The following EXOC6B variants were observed in gnomAD, a reference collection of about 807,000 sequenced individuals.
EXOC6B encodes SEC15 homolog B.
Under a neutral mutation model 113.5 loss-of-function variants are expected in EXOC6B, and 54 were observed. That is an observed-to-expected ratio of 0.48 (90% CI 0.38 to 0.60). The LOEUF (loss-of-function observed/expected upper bound fraction) is 0.60. Among genes scored for constraint, EXOC6B ranks in the 20% least tolerant of loss-of-function variants. The pLI, the probability that EXOC6B is intolerant of heterozygous loss-of-function variation, is 0.00. For synonymous variants in EXOC6B, 357 were observed against 339.0 expected (o/e 1.05, Z -0.58); for missense variants, 797 against 977.5 (o/e 0.82, Z 2.46).
chr2:72,592,338 C>T (rs990639237), intron 6 of EXOC6B, among the ~76,000 whole-genome samples: 35 of 152,100 alleles, frequency 2.3e-4, no homozygotes, highest in Non-Finnish European at 4.9e-4. Flanking sequence ...AAAATAGACA[C>T]AAAAGTCAAG....
At chr2:72,492,783 A>C (rs921034277) in intron 15 of EXOC6B, among the ~76,000 whole-genome samples, 5 of 151,506 alleles carry the variant, frequency 3.3e-5, no homozygotes, top group African/African-American at 9.7e-5. Context: ...TGTAATTTTT[A>C]TTTTTGGGAA....
At position 72,313,774 on chromosome 2, in the gene EXOC6B, A is replaced by T. The variant is rs1687345943; in HGVS notation, c.2196+21173T>A. On this transcript the variant is annotated intron_variant, in intron 20 of 21. Coordinates refer to ENST00000272427, the MANE Select transcript of EXOC6B (RefSeq NM_015189.3). The stretch of plus-strand genomic sequence containing the variant: ...GCTTTTACATTCTTATCCAGAATGA[A>T]ATTTTTAAAAAAATCACATTTTGAG... Among the ~76,000 whole-genome samples the T allele has an allele frequency of 2.0e-5, 3 of 152,216 alleles. 1 individual carries two copies. In the South Asian group the frequency reaches 6.2e-4, roughly 32 times the overall value.
At chr2:72,536,670 C>T (rs576886455) in intron 8 of EXOC6B, among the ~76,000 whole-genome samples, 87 of 152,240 alleles carry the variant, frequency 5.7e-4, no homozygotes, top group Non-Finnish European at 1.0e-3. Context: ...AATAAATATC[C>T]TCATAAACTT....
intron 18 of EXOC6B, among the ~76,000 whole-genome samples, chr2:72,399,951 C>T (rs2105152936): frequency 6.6e-6 from 1 of 152,066 alleles, no homozygotes; most frequent in South Asian, 2.1e-4. Flanking sequence ...TCATATGGAA[C>T]CTAAAAAGAA....
chr2:72,465,448 T>C (rs1458562201), intron 17 of EXOC6B, 109 bp from the exon 18 acceptor site: 8 of 783,482 alleles, frequency 1.0e-5, no homozygotes, highest in Non-Finnish European at 1.2e-5. Context: ...GGAATATAAC[T>C]GGGAATACTG....
chr2:72,351,679 G>GT (rs919258230), intron 19 of EXOC6B, among the ~76,000 whole-genome samples: 19 of 152,070 alleles, frequency 1.2e-4, no homozygotes, highest in African/African-American at 3.9e-4. Context: ...CAGGCATCCT[G>GT]TTTTTTATCT....
chr2:72,370,396 A>G (rs1690924380), intron 19 of EXOC6B, among the ~76,000 whole-genome samples: 6 of 152,144 alleles, frequency 3.9e-5, no homozygotes, highest in Admixed American at 3.9e-4. Flanking sequence ...AAATAGGAAC[A>G]CTTTTACACT....
intron 20 of EXOC6B, among the ~76,000 whole-genome samples, chr2:72,306,906 G>A (rs541876598): frequency 4.3e-4 from 66 of 152,076 alleles, no homozygotes; most frequent in Non-Finnish European, 9.1e-4. Flanking sequence ...TTGTATCTGT[G>A]TTCATAAGTG....
chr2:72,201,019 T>C (rs1048226314), intron 20 of EXOC6B, among the ~76,000 whole-genome samples: 3 of 152,178 alleles, frequency 2.0e-5, no homozygotes, highest in East Asian at 3.8e-4. Context: ...GATTTTGTTA[T>C]GTATCTGCTA....
At chr2:72,419,345 T>G (rs1694725941) in intron 18 of EXOC6B, among the ~76,000 whole-genome samples, 1 of 152,226 alleles carries the variant, frequency 6.6e-6, no homozygotes, top group Non-Finnish European at 1.5e-5. Flanking sequence ...CAACTTCTCA[T>G]TACAATAATA....
At chr2:72,669,802 G>A (rs1234213982) in intron 6 of EXOC6B, among the ~76,000 whole-genome samples, 1 of 152,208 alleles carries the variant, frequency 6.6e-6, no homozygotes. Flanking sequence ...TAGACAACCT[G>A]AAATATGTGG....
intron 6 of EXOC6B, among the ~76,000 whole-genome samples, chr2:72,704,093 C>G (rs1678651722): frequency 6.7e-6 from 1 of 150,176 alleles, no homozygotes; most frequent in Admixed American, 6.7e-5. Context: ...CTCTCCTCAG[C>G]AAATGTAAAA....
intron 8 of EXOC6B, among the ~76,000 whole-genome samples, chr2:72,521,450 T>A (rs1701482204): frequency 1.3e-5 from 2 of 152,184 alleles, no homozygotes; most frequent in South Asian, 4.1e-4. Context: ...CTAGAAGGCA[T>A]ACAGTGGGAA....
chr2:72,779,051 A>G (rs189184435), intron 1 of EXOC6B, among the ~76,000 whole-genome samples: 1 of 152,156 alleles, frequency 6.6e-6, no homozygotes, highest in African/African-American at 2.4e-5. Flanking sequence ...TGTTTCTTCC[A>G]TGTTTACTTC....
chr2:72,312,356 T>C (rs1479736901), intron 20 of EXOC6B, among the ~76,000 whole-genome samples: 2 of 151,854 alleles, frequency 1.3e-5, no homozygotes, highest in Non-Finnish European at 2.9e-5. Context: ...GGTAGAGACA[T>C]GTGAATTGAA....
chr2:72,816,282 T>C (rs199813410), intron 1 of EXOC6B, among the ~76,000 whole-genome samples: 18 of 146,246 alleles, frequency 1.2e-4, no homozygotes, highest in African/African-American at 3.8e-4. Flanking sequence ...GAAACAGAAC[T>C]AGTTTAATAA....
At chr2:72,468,915 T>C (rs1698225885) in intron 17 of EXOC6B, among the ~76,000 whole-genome samples, 1 of 152,140 alleles carries the variant, frequency 6.6e-6, no homozygotes, top group Non-Finnish European at 1.5e-5. Context: ...TGAATTTCTG[T>C]TTTGCTAAAA....
intron 1 of EXOC6B, among the ~76,000 whole-genome samples, chr2:72,772,637 G>A (rs2104952487): frequency 6.6e-6 from 1 of 152,128 alleles, no homozygotes; most frequent in South Asian, 2.1e-4. Flanking sequence ...CAACAGGACT[G>A]ATCCTATAAA....
intron 1 of EXOC6B, among the ~76,000 whole-genome samples, chr2:72,803,901 T>C (rs971492417): frequency 6.6e-6 from 1 of 152,302 alleles, no homozygotes; most frequent in East Asian, 1.9e-4. Context: ...CCAGCACAAC[T>C]GTACAAAGAA....
Sources: gnomAD v4.1 joint callset for allele counts (sites outside exome capture counted in the v4.1 genomes callset) on GRCh38, gnomAD v4.1.1 for gene constraint, MANE v1.5 for transcripts, NCBI Gene and HGNC (gene_info 2026-07-23, HGNC 2026-07-21) for gene names.